The following NUBPL variants were observed in gnomAD, a reference collection of about 807,000 sequenced individuals.
The protein encoded by NUBPL is iron-sulfur cluster transfer protein NUBPL.
NUBPL carries 31 observed loss-of-function variants against 45.7 expected under a neutral mutation model. That is an observed-to-expected ratio of 0.68 (90% CI 0.51 to 0.92). The LOEUF (loss-of-function observed/expected upper bound fraction) is 0.92, where lower values mean the gene tolerates loss of function less well. Ranked by LOEUF, NUBPL falls within the 40% of genes least tolerant of loss-of-function variation. The pLI, the probability that NUBPL is intolerant of heterozygous loss-of-function variation, is 0.00. For synonymous variants in NUBPL, 144 were observed against 140.9 expected (o/e 1.02, Z -0.15); for missense variants, 401 against 398.7 (o/e 1.01, Z -0.05).
In NUBPL at chr14:31,563,149, T is replaced by C. The variant is rs114211096; in HGVS notation, c.256+934T>C. 2.1e-3 allele frequency among the ~76,000 whole-genome samples: 326 copies of C among 152,336 alleles called. 1 individual carries two copies. The highest frequency in any genetic ancestry group is 0.014 in the Middle Eastern group (4 of 294). On this transcript the variant is annotated intron_variant, in intron 2 of 10. Coordinates refer to ENST00000281081, the MANE Select transcript of NUBPL (RefSeq NM_025152.3). ...ACAATCCATCTGGTTGTTTTTAAAA[T>C]TTAGAAGCTCTTAGTTTTTGGTTCT... is the stretch of plus-strand genomic sequence containing the variant.
intron 6 of NUBPL, among the ~76,000 whole-genome samples, chr14:31,674,117 A>G (rs1445013220): frequency 2.6e-5 from 4 of 152,360 alleles, no homozygotes; most frequent in African/African-American, 4.8e-5. Flanking sequence ...TAATCTAAAA[A>G]TATCAATTGG....
At chr14:31,583,501 A>G (rs982913698) in intron 3 of NUBPL, among the ~76,000 whole-genome samples, 13 of 152,356 alleles carry the variant, frequency 8.5e-5, no homozygotes, top group Middle Eastern at 6.8e-3. Flanking sequence ...TCCTGTCCTC[A>G]GGAAAGCAGA....
intron 6 of NUBPL, among the ~76,000 whole-genome samples, chr14:31,696,946 G>T (rs74774963): frequency 1.5e-3 from 222 of 152,292 alleles, no homozygotes; most frequent in Middle Eastern, 0.014. Context: ...TCTGAAAAGA[G>T]AACAGGAAAG....
intron 8 of NUBPL, among the ~76,000 whole-genome samples, chr14:31,840,276 T>C (rs1189327918): frequency 6.6e-6 from 1 of 151,986 alleles, no homozygotes; most frequent in African/African-American, 2.4e-5. Flanking sequence ...ATTTGGCCTT[T>C]AAAAAGAGAG....
chr14:31,622,942 A>G (rs1287931417), intron 4 of NUBPL, among the ~76,000 whole-genome samples: 2 of 152,194 alleles, frequency 1.3e-5, no homozygotes, highest in African/African-American at 2.4e-5. Context: ...AGAATGGTAG[A>G]TCCACCAACA....
chr14:31,627,624 G>C (rs2139652364), intron 4 of NUBPL, among the ~76,000 whole-genome samples: 1 of 152,058 alleles, frequency 6.6e-6, no homozygotes, highest in East Asian at 1.9e-4. Context: ...AAATTAGCCA[G>C]ACGTGGTGGC....
intron 6 of NUBPL, among the ~76,000 whole-genome samples, chr14:31,731,639 T>C (rs2038049903): frequency 1.3e-5 from 2 of 152,344 alleles, no homozygotes; most frequent in South Asian, 4.1e-4. Context: ...ACTGCTGTCA[T>C]GTGTCAGCTT....
At chr14:31,605,890 T>TCCTTCCTTCTCTC (rs2034578970) in intron 4 of NUBPL, among the ~76,000 whole-genome samples, 1 of 137,522 alleles carries the variant, frequency 7.3e-6, no homozygotes, top group African/African-American at 2.9e-5. Flanking sequence ...CTCCTCCTTG[T>TCCTTCCTTCTCTC]CTCCTCCCTT....
chr14:31,592,249 A>G (rs1412044978), intron 3 of NUBPL, among the ~76,000 whole-genome samples: 1 of 152,174 alleles, frequency 6.6e-6, no homozygotes, highest in Non-Finnish European at 1.5e-5. Context: ...TGATTTCTGG[A>G]GGAAGAAGTG....
chr14:31,760,172 A>AGAGAGAGAGAGAGAG (rs2038774125), intron 6 of NUBPL, among the ~76,000 whole-genome samples: 1 of 146,466 alleles, frequency 6.8e-6, no homozygotes, highest in Non-Finnish European at 1.5e-5. Flanking sequence ...AGAGAGAGAG[A>AGAGAGAGAGAGAGAG]GAGAGAGAGA....
At chr14:31,685,868 A>G (rs1168842109) in intron 6 of NUBPL, among the ~76,000 whole-genome samples, 1 of 152,164 alleles carries the variant, frequency 6.6e-6, no homozygotes, top group Non-Finnish European at 1.5e-5. Flanking sequence ...TTAAAATTCA[A>G]ATTTATAGGC....
chr14:31,760,031 A>G (rs777157666), intron 6 of NUBPL, among the ~76,000 whole-genome samples: 10 of 151,580 alleles, frequency 6.6e-5, no homozygotes, highest in South Asian at 2.1e-4. Flanking sequence ...AAGCATCTCT[A>G]TACAGTATAT....
chr14:31,702,922 G>A (rs1026799537), intron 6 of NUBPL, among the ~76,000 whole-genome samples: 12 of 152,050 alleles, frequency 7.9e-5, no homozygotes, highest in Admixed American at 7.2e-4. Flanking sequence ...GCCCAATTTT[G>A]TACTACATAA....
chr14:31,715,739 T>C (rs2037673296), intron 6 of NUBPL, among the ~76,000 whole-genome samples: 1 of 152,158 alleles, frequency 6.6e-6, no homozygotes. Flanking sequence ...TGTGATTGCC[T>C]AGAACATTGC....
intron 6 of NUBPL, among the ~76,000 whole-genome samples, chr14:31,699,257 A>G (rs536894473): frequency 6.6e-6 from 1 of 152,370 alleles, no homozygotes; most frequent in South Asian, 2.1e-4. Flanking sequence ...TTATTTTGGT[A>G]GCATCTAAAT....
At chr14:31,696,817 G>GT (rs1488881590) in intron 6 of NUBPL, among the ~76,000 whole-genome samples, 1 of 152,132 alleles carries the variant, frequency 6.6e-6, no homozygotes, top group Non-Finnish European at 1.5e-5. Flanking sequence ...TAATTTGACT[G>GT]TTTAAATACA....
intron 8 of NUBPL, among the ~76,000 whole-genome samples, chr14:31,826,982 CA>C (rs1189459931): frequency 6.6e-6 from 1 of 151,588 alleles, no homozygotes; most frequent in African/African-American, 2.4e-5. Flanking sequence ...CTATCACTGA[CA>C]AAAAAAATTA....
At chr14:31,582,350 A>T (rs1167422784) in intron 3 of NUBPL, among the ~76,000 whole-genome samples, 2 of 150,598 alleles carry the variant, frequency 1.3e-5, no homozygotes, top group African/African-American at 4.9e-5. Flanking sequence ...GGTGGCACCT[A>T]TCCAGGGGAA....
At chr14:31,585,102 C>G (rs1452439697) in intron 3 of NUBPL, among the ~76,000 whole-genome samples, 1 of 152,166 alleles carries the variant, frequency 6.6e-6, no homozygotes, top group Non-Finnish European at 1.5e-5. Flanking sequence ...GTTTCTTTCA[C>G]TCAGCATGTT....
Sources: gnomAD v4.1 joint callset for allele counts (sites outside exome capture counted in the v4.1 genomes callset) on GRCh38, gnomAD v4.1.1 for gene constraint, MANE v1.5 for transcripts, NCBI Gene and HGNC (gene_info 2026-07-23, HGNC 2026-07-21) for gene names.